Variants in FSHR observed in about 807,000 individuals in gnomAD.
The protein encoded by FSHR is follicle-stimulating hormone receptor.
FSHR carries 46 observed loss-of-function variants against 52.1 expected under a neutral mutation model. That is an observed-to-expected ratio of 0.88 (90% CI 0.70 to 1.13). FSHR has a LOEUF of 1.13. FSHR is among the 50% of genes most tolerant of loss of function. The probability of loss-of-function intolerance (pLI) is 0.00; values close to 1 mark genes in which losing one functional copy is unlikely to be tolerated. For synonymous variants in FSHR, 399 were observed against 309.6 expected, an observed-to-expected ratio of 1.29 and a Z score of -3.03; for missense variants, 964 against 834.6, an observed-to-expected ratio of 1.16 and a Z score of -1.91.
chr2:49,133,600 C>T (rs1047811774), intron 1 of FSHR, among the ~76,000 whole-genome samples: 1 of 152,104 alleles, frequency 6.6e-6, no homozygotes. Context: ...AAAAAGAGCC[C>T]TCATTGCCAA....
At chr2:49,046,398 C>G (rs752083919) in intron 2 of FSHR, among the ~76,000 whole-genome samples, 1 of 152,096 alleles carries the variant, frequency 6.6e-6, no homozygotes, top group Non-Finnish European at 1.5e-5. Flanking sequence ...AGTAAGAATG[C>G]CTGGATTTAA....
chr2:49,031,712 A>T (rs1449687911), intron 2 of FSHR, among the ~76,000 whole-genome samples: 1 of 152,150 alleles, frequency 6.6e-6, no homozygotes, highest in Non-Finnish European at 1.5e-5. Flanking sequence ...AGCATTGTAG[A>T]TCCATATAAG....
At chr2:49,145,465 A>G (rs1217006551) in intron 1 of FSHR, among the ~76,000 whole-genome samples, 2 of 152,028 alleles carry the variant, frequency 1.3e-5, no homozygotes, top group African/African-American at 2.4e-5. Flanking sequence ...CACGGTGGTC[A>G]AGAAGGCAAA....
At chr2:49,116,563 G>A (rs1275186762) in intron 1 of FSHR, among the ~76,000 whole-genome samples, 3 of 152,210 alleles carry the variant, frequency 2.0e-5, no homozygotes, top group Non-Finnish European at 4.4e-5. Flanking sequence ...TGCACATACA[G>A]TTCTCAGCAC....
At chr2:48,964,997 A>T (rs199998104) in intron 9 of FSHR, among the ~76,000 whole-genome samples, 80 of 34,148 alleles carry the variant, frequency 2.3e-3, no homozygotes, top group Admixed American at 0.014. Flanking sequence ...TGGATGCAAA[A>T]AAAAAAAAAA....
chr2:49,019,986 C>T (rs1045614781), intron 3 of FSHR, 100 bp downstream of exon 3: 1 of 978,918 alleles, frequency 1.0e-6, no homozygotes. Flanking sequence ...ATCTAGGGAT[C>T]TGAGGCCATG....
chr2:49,127,287 C>A (rs549599168), intron 1 of FSHR, among the ~76,000 whole-genome samples: 1 of 151,046 alleles, frequency 6.6e-6, no homozygotes, highest in Admixed American at 6.6e-5. Context: ...GAGATTGTAC[C>A]ACTGCACTCC....
chr2:49,112,805 A>C (rs1671467782), intron 1 of FSHR, among the ~76,000 whole-genome samples: 1 of 152,186 alleles, frequency 6.6e-6, no homozygotes. Flanking sequence ...TTAAGTTTTT[A>C]AGTTGCACCA....
At chr2:49,085,000 C>T (rs1266557806) in intron 1 of FSHR, among the ~76,000 whole-genome samples, 3 of 152,094 alleles carry the variant, frequency 2.0e-5, no homozygotes, top group African/African-American at 7.2e-5. Flanking sequence ...TTTTATGAGG[C>T]CAGCATCATC....
At chr2:49,021,693 C>G (rs891989290) in intron 2 of FSHR, among the ~76,000 whole-genome samples, 1 of 151,606 alleles carries the variant, frequency 6.6e-6, no homozygotes, top group Admixed American at 6.6e-5. Context: ...GGCCATTTCT[C>G]AGAAGCCCCC....
At chr2:49,019,144 T>C (rs562067128) in intron 3 of FSHR, among the ~76,000 whole-genome samples, 1 of 152,358 alleles carries the variant, frequency 6.6e-6, no homozygotes, top group Admixed American at 6.5e-5. Flanking sequence ...GTGACATTAG[T>C]TGACAAACAC....
intron 2 of FSHR, among the ~76,000 whole-genome samples, chr2:49,023,800 T>C (rs1667825250): frequency 6.6e-6 from 1 of 152,112 alleles, no homozygotes; most frequent in Non-Finnish European, 1.5e-5. Context: ...CTTCTGTACA[T>C]GAGATTCCAT....
At chr2:49,103,846 T>G (rs779222001) in intron 1 of FSHR, among the ~76,000 whole-genome samples, 2 of 152,138 alleles carry the variant, frequency 1.3e-5, no homozygotes, top group Non-Finnish European at 2.9e-5. Context: ...TAAAGACAGA[T>G]CATTTTATTG....
chr2:49,123,873 A>G lies in FSHR; in HGVS notation c.152+30393T>C, dbSNP rs138579337. 6.9e-4 allele frequency among the ~76,000 whole-genome samples: 105 copies of G among 152,258 alleles called. No homozygotes were observed. The East Asian group carries it at 8.5e-3, about 12-fold the overall frequency. On this transcript the variant is annotated intron_variant, in intron 1 of 9. Coordinates refer to ENST00000406846, the MANE Select transcript of FSHR (RefSeq NM_000145.4). ...TTCTCTTTGCGTCTTCACTAGACAT[A>G]CTAGGGTATGTGGCTTAAGTCTGTA...
At chr2:49,130,114 G>C (rs1672210573) in intron 1 of FSHR, among the ~76,000 whole-genome samples, 1 of 152,134 alleles carries the variant, frequency 6.6e-6, no homozygotes, top group African/African-American at 2.4e-5. Context: ...TACCACTTAG[G>C]CAAGTTACTT....
At chr2:49,153,682 T>C (rs1031097681) in intron 1 of FSHR, among the ~76,000 whole-genome samples, 1 of 152,192 alleles carries the variant, frequency 6.6e-6, no homozygotes, top group South Asian at 2.1e-4. Context: ...GTGTAAAAGA[T>C]TATCCTGTAT....
At chr2:49,139,855 C>T (rs1672615163) in intron 1 of FSHR, among the ~76,000 whole-genome samples, 1 of 152,092 alleles carries the variant, frequency 6.6e-6, no homozygotes. Context: ...GCCTCGGCCT[C>T]CCAAAGTGCT....
chr2:49,058,331 G>A (rs1157996008), intron 2 of FSHR, among the ~76,000 whole-genome samples: 2 of 151,856 alleles, frequency 1.3e-5, no homozygotes, highest in Admixed American at 6.6e-5. Context: ...GGTGGATCAC[G>A]AGGTCAGGAG....
chr2:49,123,714 C>T (rs1370394976), intron 1 of FSHR, among the ~76,000 whole-genome samples: 1 of 152,128 alleles, frequency 6.6e-6, no homozygotes, highest in Non-Finnish European at 1.5e-5. Flanking sequence ...ATAACAGAGA[C>T]TTCCATTCAG....
Sources: gnomAD v4.1 joint callset for allele counts (sites outside exome capture counted in the v4.1 genomes callset) on GRCh38, gnomAD v4.1.1 for gene constraint, MANE v1.5 for transcripts, NCBI Gene and HGNC (gene_info 2026-07-23, HGNC 2026-07-21) for gene names.